Variants in DENND1A observed in about 807,000 individuals in gnomAD.
DENND1A encodes DENN domain containing 1A.
In DENND1A, 51 loss-of-function variants were observed where a neutral mutation model predicts 113.7. The ratio of observed to expected loss-of-function variants is 0.45; its 90% CI spans 0.36 to 0.57. DENND1A has a LOEUF of 0.57. DENND1A is among the 20% of genes least tolerant of loss of function. The pLI, the probability that DENND1A is intolerant of heterozygous loss-of-function variation, is 0.00. For synonymous variants in DENND1A, 565 were observed against 570.8 expected, an observed-to-expected ratio of 0.99 and a Z score of 0.14; for missense variants, 1,258 against 1,395.9, an observed-to-expected ratio of 0.90 and a Z score of 1.57.
intron 2 of DENND1A, among the ~76,000 whole-genome samples, chr9:123,858,203 A>G (rs7872475): frequency 0.036 from 5,500 of 152,352 alleles, 105 homozygotes; most frequent in Middle Eastern, 0.048. Flanking sequence ...TACGGTATCA[A>G]TGTTAATTTC....
At chr9:123,811,089 T>C (rs1318751049) in intron 2 of DENND1A, among the ~76,000 whole-genome samples, 2 of 152,256 alleles carry the variant, frequency 1.3e-5, no homozygotes, top group East Asian at 1.9e-4. Context: ...CCATCTTGCT[T>C]GAAGCCTGGA....
intron 1 of DENND1A, among the ~76,000 whole-genome samples, chr9:123,929,212 G>A (rs1857590423): frequency 6.6e-6 from 1 of 152,222 alleles, no homozygotes; most frequent in South Asian, 2.1e-4. Context: ...GGGAACTCCA[G>A]GTGAATGAAT....
At chr9:123,555,443 G>A (rs1370384990) in intron 13 of DENND1A, among the ~76,000 whole-genome samples, 4 of 152,156 alleles carry the variant, frequency 2.6e-5, no homozygotes, top group South Asian at 2.1e-4. Context: ...AGAAAATGGC[G>A]CACTCACTGG....
intron 2 of DENND1A, among the ~76,000 whole-genome samples, chr9:123,874,491 GCTACTAAGGAGGCTAGTACCAT>G (rs1847142638): frequency 6.6e-6 from 1 of 152,152 alleles, no homozygotes; most frequent in South Asian, 2.1e-4. Context: ...GCCTATACCA[GCTACTAAGGAGGCTAGTACCAT>G]CTACTAAGGA....
chr9:123,588,369 A>T (rs2059289413), intron 11 of DENND1A, among the ~76,000 whole-genome samples: 1 of 151,562 alleles, frequency 6.6e-6, no homozygotes, highest in South Asian at 2.1e-4. Context: ...TTGTAATCTC[A>T]GCACTTTGGG....
chr9:123,506,688 T>C (rs1056512185), intron 13 of DENND1A, among the ~76,000 whole-genome samples: 3 of 151,922 alleles, frequency 2.0e-5, no homozygotes, highest in Admixed American at 6.6e-5. Context: ...ATTATGACTG[T>C]TTCACAAACG....
At chr9:123,881,780 T>C (rs111637178) in intron 1 of DENND1A, among the ~76,000 whole-genome samples, 9 of 152,332 alleles carry the variant, frequency 5.9e-5, no homozygotes, top group African/African-American at 2.2e-4. Context: ...CTGCTGCTTC[T>C]TCCTTTCTCT....
chr9:123,481,742 G>A (rs1476892183), intron 13 of DENND1A, among the ~76,000 whole-genome samples: 2 of 151,476 alleles, frequency 1.3e-5, no homozygotes, highest in African/African-American at 4.9e-5. Context: ...GAAAAGGGGT[G>A]TCAGCTTTTA....
chr9:123,500,805 T>C lies in DENND1A; in HGVS notation c.994-42908A>G, dbSNP rs2052413531. 2.0e-5 allele frequency among the ~76,000 whole-genome samples: 3 copies of C among 152,324 alleles called. No individual in the cohort carries two copies. The South Asian group carries it at 6.2e-4, about 32-fold the overall frequency. Reference sequence around the variant, plus strand: ...AGACAGAACCATACTCAAATCTGGGTGTTTCATCTCCAGTATCAAGGGCAG... The same window carrying C: ...AGACAGAACCATACTCAAATCTGGGCGTTTCATCTCCAGTATCAAGGGCAG... On this transcript the variant is annotated intron_variant, in intron 13 of 23. Transcript: ENST00000394215.
rs1253615446 is a variant in DENND1A at position 123,381,725 on chromosome 9, G to GA, written c.2919dup (p.Pro974SerfsTer23). The stretch of plus-strand genomic sequence containing the variant: ...ATCCTCGACGGGGCAACTGCTGGGG[G>GA]ACCCAGCGGCTGTAGGGGGCTCGTG... On this transcript the variant is annotated frameshift_variant, in exon 24 of 24. Coordinates refer to ENST00000394215, the MANE Select transcript of DENND1A (RefSeq NM_001352964.2). LOFTEE classifies it high-confidence loss of function. The surrounding 1 kb of genome is among the most constrained non-coding windows in gnomAD (Gnocchi z 4.7). The GA allele has an allele frequency of 6.5e-7, 1 of 1,530,864 alleles. No homozygotes were observed. Among genetic ancestry groups the GA allele is most frequent in the Admixed American group, 2.1e-5 (1 of 47,004 alleles). 94.8% of individuals were successfully genotyped at this position (1,530,864 alleles called of 1,614,324 possible).
intron 5 of DENND1A, among the ~76,000 whole-genome samples, chr9:123,735,604 G>A (rs2068504422): frequency 1.3e-5 from 2 of 152,176 alleles, no homozygotes. Context: ...CCTCTCATGA[G>A]TAACAAAACA....
At chr9:123,819,564 C>A (rs968599718) in intron 2 of DENND1A, among the ~76,000 whole-genome samples, 4 of 152,094 alleles carry the variant, frequency 2.6e-5, no homozygotes, top group Non-Finnish European at 5.9e-5. Context: ...CACTCTGTTG[C>A]CCAGGTGGGG....
chr9:123,493,422 G>C (rs899886208), intron 13 of DENND1A, among the ~76,000 whole-genome samples: 1 of 152,184 alleles, frequency 6.6e-6, no homozygotes, highest in Non-Finnish European at 1.5e-5. Flanking sequence ...AAAGAGGATG[G>C]GCGGTGCAGC....
At chr9:123,794,934 G>A (rs1833541302) in intron 2 of DENND1A, among the ~76,000 whole-genome samples, 1 of 152,030 alleles carries the variant, frequency 6.6e-6, no homozygotes, top group South Asian at 2.1e-4. Context: ...TGCCTCAATG[G>A]AAAGCAATAT....
intron 21 of DENND1A, chr9:123,401,344 G>A (rs1287840733): frequency 6.8e-6 from 2 of 293,792 alleles, no homozygotes; most frequent in Non-Finnish European, 1.1e-5. Context: ...AGCACAGTGG[G>A]GGGGTGGGGA....
At chr9:123,382,970 A>G (rs1054956272) in intron 23 of DENND1A, among the ~76,000 whole-genome samples, 6 of 152,244 alleles carry the variant, frequency 3.9e-5, no homozygotes, top group African/African-American at 1.4e-4. Flanking sequence ...CGGGGGCGCG[A>G]GTGAGACTCA....
intron 3 of DENND1A, among the ~76,000 whole-genome samples, chr9:123,784,614 C>A (rs777613499): frequency 1.3e-5 from 2 of 152,124 alleles, no homozygotes; most frequent in Non-Finnish European, 2.9e-5. Context: ...CAATAGTACT[C>A]AACAGACAAA....
chr9:123,760,657 A>G (rs1317951861), intron 4 of DENND1A, among the ~76,000 whole-genome samples: 2 of 152,202 alleles, frequency 1.3e-5, no homozygotes, highest in Non-Finnish European at 2.9e-5. Context: ...TGTTTTATCC[A>G]TAAAGCTTGG....
intron 8 of DENND1A, among the ~76,000 whole-genome samples, chr9:123,652,575 G>A (rs2062718514): frequency 6.6e-6 from 1 of 152,316 alleles, no homozygotes; most frequent in Admixed American, 6.5e-5. Context: ...GCAAAAGAAA[G>A]TACCCAGGGA....
Sources: gnomAD v4.1 joint callset for allele counts (sites outside exome capture counted in the v4.1 genomes callset) on GRCh38, gnomAD v4.1.1 for gene constraint, Gnocchi (gnomAD v3.1) non-coding constraint, MANE v1.5 for transcripts, NCBI Gene and HGNC (gene_info 2026-07-23, HGNC 2026-07-21) for gene names.